The following PHF24 variants were observed in gnomAD, a reference collection of about 807,000 sequenced individuals.
PHF24 encodes PHD finger protein 24.
In PHF24, 25 loss-of-function variants were observed where a neutral mutation model predicts 42.6. The ratio of observed to expected loss-of-function variants is 0.59; its 90% CI spans 0.43 to 0.82. PHF24 has a LOEUF of 0.82. Ranked by LOEUF, PHF24 falls within the 40% of genes least tolerant of loss-of-function variation. PHF24 has a pLI of 0.00. For synonymous variants in PHF24, 185 were observed against 204.8 expected (o/e 0.90, Z 0.83); for missense variants, 470 against 538.1 (o/e 0.87, Z 1.25).
At chr9:34,890,711 A>C in the PHF24 span, among the ~76,000 whole-genome samples, 4 of 152,120 alleles carry the variant, frequency 2.6e-5, no homozygotes, top group Admixed American at 2.6e-4. Context: ...GATGGTGAAA[A>C]TTTGTTCCCT....
At chr9:34,956,348 C>T (rs1826370715), upstream of PHF24, among the ~76,000 whole-genome samples, 1 of 152,210 alleles carries the variant, frequency 6.6e-6, no homozygotes, top group Non-Finnish European at 1.5e-5. Context: ...CAACCTCTGC[C>T]TCCTGGATTC....
the PHF24 span, among the ~76,000 whole-genome samples, chr9:34,762,458 C>G: frequency 2.8e-3 from 420 of 151,264 alleles, 2 homozygotes; most frequent in Middle Eastern, 0.01. Flanking sequence ...TGATGGTGAG[C>G]ATTTTTTCAT....
chr9:34,947,250 T>C, the PHF24 span, among the ~76,000 whole-genome samples: 1 of 152,352 alleles, frequency 6.6e-6, no homozygotes, highest in East Asian at 1.9e-4. Flanking sequence ...GCATAAATGA[T>C]GTTTTGGTCA....
chr9:34,837,094 G>C, the PHF24 span: 8 of 471,220 alleles, frequency 1.7e-5, no homozygotes, highest in Non-Finnish European at 3.1e-5. Context: ...AGCTCTTGTG[G>C]CTTCTGATCT....
At chr9:34,802,824 C>T in the PHF24 span, among the ~76,000 whole-genome samples, 2 of 152,186 alleles carry the variant, frequency 1.3e-5, no homozygotes, top group Admixed American at 1.3e-4. Flanking sequence ...CACTACAAAA[C>T]CTCAAACCTT....
chr9:34,843,514 G>A, the PHF24 span, among the ~76,000 whole-genome samples: 1 of 152,132 alleles, frequency 6.6e-6, no homozygotes, highest in Non-Finnish European at 1.5e-5. Flanking sequence ...AAGTCTTGAA[G>A]TCAGGTGGAA....
chr9:34,868,879 A>G, the PHF24 span, among the ~76,000 whole-genome samples: 1 of 152,010 alleles, frequency 6.6e-6, no homozygotes, highest in African/African-American at 2.4e-5. Flanking sequence ...CCCAGCATCC[A>G]TTAGCTATTC....
At chr9:34,897,413 T>G in the PHF24 span, among the ~76,000 whole-genome samples, 3 of 152,168 alleles carry the variant, frequency 2.0e-5, no homozygotes, top group Admixed American at 2.0e-4. Flanking sequence ...GGAAATAGAG[T>G]GTTATTGTTT....
At chr9:34,798,031 G>A in the PHF24 span, among the ~76,000 whole-genome samples, 1 of 152,130 alleles carries the variant, frequency 6.6e-6, no homozygotes, top group Non-Finnish European at 1.5e-5. Flanking sequence ...TGATTGTCAA[G>A]GATTAGGGGG....
chr9:34,749,413 A>G, the PHF24 span, among the ~76,000 whole-genome samples: 1 of 152,138 alleles, frequency 6.6e-6, no homozygotes, highest in Non-Finnish European at 1.5e-5. Flanking sequence ...GGCATTTAAT[A>G]ATCAAACTCC....
At chr9:34,692,977 A>C in the PHF24 span, among the ~76,000 whole-genome samples, 6 of 151,982 alleles carry the variant, frequency 3.9e-5, no homozygotes, top group African/African-American at 1.4e-4. Context: ...AGTAGAGGTG[A>C]GGTTTCACCT....
At chr9:34,747,688 C>T in the PHF24 span, among the ~76,000 whole-genome samples, 6 of 152,260 alleles carry the variant, frequency 3.9e-5, no homozygotes, top group Non-Finnish European at 8.8e-5. Flanking sequence ...AACTCCCAAA[C>T]ACAGCTGGTG....
At chr9:34,810,117 G>A in the PHF24 span, among the ~76,000 whole-genome samples, 3 of 151,966 alleles carry the variant, frequency 2.0e-5, no homozygotes, top group South Asian at 2.1e-4. Context: ...GCTGGGCAGC[G>A]CAGGGCCGGC....
chr9:34,862,330 G>C, the PHF24 span, among the ~76,000 whole-genome samples: 1 of 152,096 alleles, frequency 6.6e-6, no homozygotes, highest in African/African-American at 2.4e-5. Context: ...GGCATCTAAG[G>C]GAGTGCTTGC....
the PHF24 span, among the ~76,000 whole-genome samples, chr9:34,853,976 G>A: frequency 1.2e-4 from 19 of 152,128 alleles, no homozygotes; most frequent in Middle Eastern, 3.4e-3. Context: ...GTCTTTTTAG[G>A]GATTCAGTTT....
At chr9:34,787,327 T>TAA in the PHF24 span, among the ~76,000 whole-genome samples, 2 of 145,864 alleles carry the variant, frequency 1.4e-5, no homozygotes, top group Non-Finnish European at 3.0e-5. Flanking sequence ...TTTTTAAAAT[T>TAA]AAAAAAAAAA....
chr9:34,670,923 T>C, the PHF24 span, among the ~76,000 whole-genome samples: 1 of 152,180 alleles, frequency 6.6e-6, no homozygotes, highest in Non-Finnish European at 1.5e-5. Context: ...CAGACCTCCC[T>C]GGGCCTATCA....
chr9:34,740,871 C>G, the PHF24 span, among the ~76,000 whole-genome samples: 1 of 151,622 alleles, frequency 6.6e-6, no homozygotes, highest in African/African-American at 2.4e-5. Context: ...TATATAGTGT[C>G]CTCTCTTTCT....
At chr9:34,840,159 G>A in the PHF24 span, among the ~76,000 whole-genome samples, 2 of 152,076 alleles carry the variant, frequency 1.3e-5, no homozygotes, top group African/African-American at 4.8e-5. Context: ...TAATCACTTA[G>A]ATTAATTGAT....
Sources: allele counts gnomAD v4.1 joint callset (sites outside exome capture counted in the v4.1 genomes callset), GRCh38; gene constraint gnomAD v4.1.1; transcripts MANE v1.5; gene names NCBI Gene and HGNC (gene_info 2026-07-23, HGNC 2026-07-21).